GOLM2: variants seen among roughly 807,000 people sequenced by gnomAD.
The protein encoded by GOLM2 is protein GOLM2.
In GOLM2, 26 loss-of-function variants were observed where a neutral mutation model predicts 55.9. The observed-to-expected ratio is 0.47, with a 90% CI of 0.34 to 0.65. The LOEUF is 0.65. Among genes scored for constraint, GOLM2 ranks in the 30% least tolerant of loss-of-function variants. GOLM2 has a pLI of 0.01. For missense variants in GOLM2, 486 were observed against 531.8 expected, an observed-to-expected ratio of 0.91 and a Z score of 0.85; for synonymous variants, 165 against 194.6, an observed-to-expected ratio of 0.85 and a Z score of 1.27.
intron 9 of GOLM2, among the ~76,000 whole-genome samples, chr15:44,407,282 T>C (rs1458667944): frequency 5.4e-5 from 8 of 148,474 alleles, no homozygotes; most frequent in Admixed American, 3.4e-4. Flanking sequence ...ATATATTTTT[T>C]GGAGACAGGG....
intron 8 of GOLM2, among the ~76,000 whole-genome samples, chr15:44,392,662 C>T (rs1400892497): frequency 6.6e-6 from 1 of 151,328 alleles, no homozygotes; most frequent in Non-Finnish European, 1.5e-5. Context: ...ATTAGCAAGT[C>T]AAATCCAGAG....
At chr15:44,368,430 C>G (rs1024647992) in intron 6 of GOLM2, among the ~76,000 whole-genome samples, 1 of 151,158 alleles carries the variant, frequency 6.6e-6, no homozygotes, top group African/African-American at 2.4e-5. Context: ...TTTCAGACTG[C>G]TTGATATTAT....
At chr15:44,406,414 A>C (rs1314965278) in intron 9 of GOLM2, 1 of 152,152 alleles carries the variant, frequency 6.6e-6, no homozygotes, top group East Asian at 1.9e-4. Context: ...AAAGAAAAAA[A>C]CATTAGTCTA....
At chr15:44,367,465 G>C (rs1243224554) in intron 6 of GOLM2, among the ~76,000 whole-genome samples, 2 of 151,918 alleles carry the variant, frequency 1.3e-5, no homozygotes, top group East Asian at 3.9e-4. Context: ...TAGAAATCTG[G>C]GCTGATACGT....
chr15:44,303,623 T>TGGCAAGATCATGGCTCACTGCAGC (rs2078814693), intron 1 of GOLM2, among the ~76,000 whole-genome samples: 2 of 152,056 alleles, frequency 1.3e-5, no homozygotes, highest in African/African-American at 4.8e-5. Flanking sequence ...TAAACTGCAG[T>TGGCAAGATCATGGCTCACTGCAGC]GGCATGATCA....
rs1168418808 is a variant in GOLM2 at position 44,414,043 on chromosome 15, C to G, written c.*637C>G. On this transcript the variant is annotated 3_prime_UTR_variant, in exon 10 of 10. Coordinates refer to ENST00000299957, the MANE Select transcript of GOLM2 (RefSeq NM_138423.4). ...ATAAAGACGGGTTTCACCATGTTGG[C>G]CAGGCTGGTCTTGAACTCCTGACCT... The G allele has an allele frequency of 6.6e-6, 1 of 152,204 alleles. No individual in the cohort carries two copies. 9.4% of individuals were successfully genotyped at this position (152,204 alleles called of 1,614,324 possible).
intron 1 of GOLM2, among the ~76,000 whole-genome samples, chr15:44,304,969 T>C (rs2078826472): frequency 6.6e-6 from 1 of 152,138 alleles, no homozygotes; most frequent in Non-Finnish European, 1.5e-5. Flanking sequence ...CAAACTCATG[T>C]TCCTGTTAAT....
chr15:44,407,757 T>A (rs1238955404), intron 9 of GOLM2, among the ~76,000 whole-genome samples: 1 of 150,624 alleles, frequency 6.6e-6, no homozygotes, highest in African/African-American at 2.4e-5. Flanking sequence ...GCGATAGAGC[T>A]TTCTTTCTTT....
intron 4 of GOLM2, among the ~76,000 whole-genome samples, chr15:44,332,386 A>C (rs916421553): frequency 6.6e-6 from 1 of 152,088 alleles, no homozygotes; most frequent in Admixed American, 6.6e-5. Flanking sequence ...GGGAAACCCC[A>C]TCTCTACTAA....
At chr15:44,397,503 CAAAACCACACACACACACA>C (rs2079535533) in intron 8 of GOLM2, among the ~76,000 whole-genome samples, 2 of 99,244 alleles carry the variant, frequency 2.0e-5, no homozygotes, top group Non-Finnish European at 2.1e-5. Flanking sequence ...AAAAAAAAAA[CAAAACCACACACACACACA>C]CACACACACA....
At chr15:44,396,528 C>T (rs970805862) in intron 8 of GOLM2, among the ~76,000 whole-genome samples, 1 of 152,180 alleles carries the variant, frequency 6.6e-6, no homozygotes, top group Admixed American at 6.5e-5. Context: ...TAAAGTTTAT[C>T]TATTCCACAT....
At chr15:44,291,355 G>GA (rs975181684) in intron 1 of GOLM2, among the ~76,000 whole-genome samples, 4 of 151,682 alleles carry the variant, frequency 2.6e-5, no homozygotes, top group Admixed American at 6.6e-5. Flanking sequence ...CTCAGTAAAG[G>GA]AAAAAAAATC....
chr15:44,326,917 G>A (rs1239497008), intron 2 of GOLM2, among the ~76,000 whole-genome samples: 2 of 149,872 alleles, frequency 1.3e-5, no homozygotes, highest in Non-Finnish European at 3.0e-5. Flanking sequence ...CCCCCAAAGT[G>A]CTGGTATTAC....
intron 1 of GOLM2, among the ~76,000 whole-genome samples, chr15:44,321,248 G>T (rs575400877): frequency 6.6e-6 from 1 of 152,058 alleles, no homozygotes; most frequent in Non-Finnish European, 1.5e-5. Flanking sequence ...AAGGCAAGAG[G>T]ATTGCTTAAG....
intron 1 of GOLM2, among the ~76,000 whole-genome samples, chr15:44,301,687 A>G (rs920927335): frequency 2.6e-5 from 4 of 152,190 alleles, no homozygotes; most frequent in Non-Finnish European, 5.9e-5. Flanking sequence ...TAAGAGGCTC[A>G]GGAGAGATGA....
chr15:44,402,962 A>G lies in GOLM2; in HGVS notation c.1148A>G (p.Asp383Gly), dbSNP rs2079575335. The G allele has an allele frequency of 6.2e-7, 1 of 1,613,920 alleles. No homozygotes were observed. Among genetic ancestry groups the G allele is most frequent in the East Asian group, 2.2e-5 (1 of 44,866 alleles). ...AAACTGGCGGATTATAATGGGGATGATGGTAACGTAGGTGAGTATGAGGCA... is the reference window on the plus strand; with the variant it reads ...AAACTGGCGGATTATAATGGGGATGGTGGTAACGTAGGTGAGTATGAGGCA... ...GSKLADYNGD[D>G]GNVGEYEADK... The change falls in exon 9 of 10, where the codon GAT (aspartate) becomes GGT (glycine). Residue 383 changes from aspartate (D) to glycine (G), a missense_variant. Asp to Gly is a moderately conservative substitution (Grantham distance 94). Transcript: ENST00000299957.
rs773616920 is a variant in GOLM2, at chr15:44,409,744, T to TA, written c.1241-3578dup. ...CAACATGGTAAAACCCCGTCTCTAC[T>TA]AAAAAAAAAAAAAATACAAAAATTA... On this transcript the variant is annotated intron_variant, in intron 9 of 9. Transcript: ENST00000299957. 4.5e-3 allele frequency: 588 copies of TA among 130,558 alleles called. 2 individuals are homozygous for TA. The highest frequency in any genetic ancestry group is 0.015 in the East Asian group (66 of 4,416). 8.1% of individuals were successfully genotyped at this position (130,558 alleles called of 1,614,324 possible).
At chr15:44,375,631 A>G (rs1444468790) in intron 6 of GOLM2, among the ~76,000 whole-genome samples, 2 of 152,084 alleles carry the variant, frequency 1.3e-5, no homozygotes, top group Non-Finnish European at 2.9e-5. Context: ...AAATTTTTTA[A>G]TTAGCCAGGT....
At chr15:44,377,502 C>T (rs2079372274) in intron 6 of GOLM2, among the ~76,000 whole-genome samples, 1 of 152,196 alleles carries the variant, frequency 6.6e-6, no homozygotes, top group Non-Finnish European at 1.5e-5. Context: ...CCCCAAGTAG[C>T]TGGGGTTACA....
Sources: allele counts gnomAD v4.1 joint callset (sites outside exome capture counted in the v4.1 genomes callset), GRCh38; gene constraint gnomAD v4.1.1; transcripts MANE v1.5; gene names NCBI Gene and HGNC (gene_info 2026-07-23, HGNC 2026-07-21).